AQR: variants seen among roughly 807,000 people sequenced by gnomAD.
AQR encodes the protein RNA helicase aquarius.
Under a neutral mutation model 180.5 loss-of-function variants are expected in AQR, and 61 were observed. The observed-to-expected ratio is 0.34, with a 90% CI of 0.28 to 0.42. AQR has a LOEUF of 0.42. Among genes scored for constraint, AQR ranks in the 10% least tolerant of loss-of-function variants. AQR has a pLI of 1.00. For missense variants in AQR, 1,281 were observed against 1,798.3 expected (o/e 0.71, Z 5.20); for synonymous variants, 551 against 588.8 (o/e 0.94, Z 0.93).
At chr15:34,891,750 ACTT>A (rs1420348752) in intron 23 of AQR, among the ~76,000 whole-genome samples, 4 of 151,920 alleles carry the variant, frequency 2.6e-5, no homozygotes, top group African/African-American at 9.7e-5. Flanking sequence ...GAAGAAAAAA[ACTT>A]CTTTTCATAA....
rs1892805165 is a variant in AQR, at chr15:34,870,760, G to A, written c.3760C>T (p.Pro1254Ser). The change falls in exon 31 of 35, where the codon CCA becomes TCA. Residue 1254 changes from proline (P) to serine (S), a missense_variant. Physicochemically the swap from Pro to Ser is moderately conservative, Grantham distance 74 (BLOSUM62 -1). Transcript: ENST00000156471. Reference sequence around the variant, plus strand: ...TATAATTATAAAAGTACCTTGTTTGGTCTTCCAATCAATGGATTGTTTCCA... The same window carrying A: ...TATAATTATAAAAGTACCTTGTTTGATCTTCCAATCAATGGATTGTTTCCA... ...RCGNNPLIGR[P>S]NKVTTVDRFQ... The A allele has an allele frequency of 6.8e-6, 11 of 1,610,262 alleles. No individual in the cohort carries two copies. The highest frequency in any genetic ancestry group is 9.3e-6 in the Non-Finnish European group (11 of 1,178,392).
chr15:34,964,521 C>A (rs956438894), intron 1 of AQR: 1 of 618,858 alleles, frequency 1.6e-6, no homozygotes, highest in Non-Finnish European at 3.0e-6. Flanking sequence ...TATAAACAAA[C>A]AAACAAAATC....
In AQR at chr15:34,886,621, G is replaced by T; in HGVS notation, c.2722C>A (p.Leu908Ile). 6.2e-7 allele frequency: 1 copy of T among 1,613,808 alleles called. No homozygotes were observed. The highest frequency in any genetic ancestry group is 8.5e-7 in the Non-Finnish European group (1 of 1,179,946). The part of the protein sequence containing the change: ...VNYVLARRIE[L>I]LEEVKRLQKS... ...TGCAATCGTTTGACTTCTTCTAAAAGTTCTATTCTTCGAGCCAGAACATAA... is the reference window on the plus strand; with the variant it reads ...TGCAATCGTTTGACTTCTTCTAAAATTTCTATTCTTCGAGCCAGAACATAA... The change falls in exon 25 of 35, where the codon CTT (leucine) becomes ATT (isoleucine). Residue 908 changes from leucine (L) to isoleucine (I), a missense_variant. Transcript: ENST00000156471.
rs1185840977 is a variant in AQR at position 34,945,041 on chromosome 15, C to T, written c.331-613G>A. Reference sequence around the variant, plus strand: ...TATGGACCCTTATTAACTCTCAACTCCTTTTCACCATATTGAAGGCTCTTC... The same window carrying T: ...TATGGACCCTTATTAACTCTCAACTTCTTTTCACCATATTGAAGGCTCTTC... On this transcript the variant is annotated intron_variant, in intron 5 of 34. Coordinates refer to ENST00000156471, the MANE Select transcript of AQR (RefSeq NM_014691.3). Among the ~76,000 whole-genome samples, 3 of 152,202 alleles carry T rather than the reference C, an allele frequency of 2.0e-5. No individual in the cohort carries two copies. In the South Asian group the frequency reaches 6.2e-4, roughly 32 times the overall value.
chr15:34,916,882 C>CAAAAAAAAAA (rs71119988), intron 15 of AQR, among the ~76,000 whole-genome samples: 15 of 79,160 alleles, frequency 1.9e-4, no homozygotes, highest in African/African-American at 5.6e-4. Context: ...TTCAGCAGAA[C>CAAAAAAAAAA]AAAAAAAAAA....
Position 34,855,506 on chromosome 15 carries a change from T to G in AQR, c.*1286A>C, listed in dbSNP as rs969168810. On this transcript the variant is annotated 3_prime_UTR_variant, in exon 35 of 35. Coordinates refer to ENST00000156471, the MANE Select transcript of AQR (RefSeq NM_014691.3). ...AGAGAACTAGTGGGCAATTTTCCCCTCTACACATACATATAAACATTTCCT... is the reference window on the plus strand; with the variant it reads ...AGAGAACTAGTGGGCAATTTTCCCCGCTACACATACATATAAACATTTCCT... 1 of 149,710 alleles carries G rather than the reference T, an allele frequency of 6.7e-6. No homozygotes were observed. Among genetic ancestry groups the G allele is most frequent in the African/African-American group, 2.5e-5 (1 of 40,720 alleles). 9.3% of individuals were successfully genotyped at this position (149,710 alleles called of 1,614,324 possible). A position where few individuals can be genotyped will look rare whatever the true frequency, so the allele number is the denominator to read the frequency against.
intron 32 of AQR, among the ~76,000 whole-genome samples, chr15:34,866,590 C>G (rs746729852): frequency 6.6e-6 from 1 of 151,746 alleles, no homozygotes; most frequent in Non-Finnish European, 1.5e-5. Context: ...AGGAGGGGGG[C>G]GGAAGGAGTA....
intron 34 of AQR, among the ~76,000 whole-genome samples, chr15:34,858,523 T>C (rs181064353): frequency 1.2e-3 from 179 of 152,234 alleles, no homozygotes; most frequent in Admixed American, 1.8e-3. Flanking sequence ...TCCTAAACAA[T>C]CCTCCTCTTC....
rs554356777 is a variant in AQR, at chr15:34,915,259, C to T, written c.1343-80G>A. 143 of 1,321,354 alleles carry T rather than the reference C, an allele frequency of 1.1e-4. 1 individual carries two copies. The highest frequency in any genetic ancestry group is 1.0e-3 in the South Asian group (63 of 63,018). 81.9% of individuals were successfully genotyped at this position (1,321,354 alleles called of 1,614,324 possible). ...TCTCACTCTGTCACCTGCACAATCT[C>T]GTCTCACTGCAACCTCCGCCTCCCA... On this transcript the variant is annotated intron_variant, in intron 15 of 34. Coordinates refer to ENST00000156471, the MANE Select transcript of AQR (RefSeq NM_014691.3).
chr15:34,881,192 C>T (rs1892967905), intron 27 of AQR, among the ~76,000 whole-genome samples: 1 of 152,130 alleles, frequency 6.6e-6, no homozygotes, highest in East Asian at 1.9e-4. Flanking sequence ...AAGAACAAAA[C>T]ATTTAGGTGA....
chr15:34,945,183 T>C (rs2140499089), intron 5 of AQR, among the ~76,000 whole-genome samples: 1 of 152,344 alleles, frequency 6.6e-6, no homozygotes, highest in East Asian at 1.9e-4. Flanking sequence ...CAGTCCAGAT[T>C]TCTCTTCTGA....
intron 19 of AQR, among the ~76,000 whole-genome samples, chr15:34,903,245 A>G (rs1893360192): frequency 6.6e-6 from 1 of 152,204 alleles, no homozygotes. Flanking sequence ...TTAGAAAATG[A>G]TGTTGGAGAG....
At position 34,856,785 on chromosome 15, in the gene AQR, A is replaced by G. The variant is rs970119250; in HGVS notation, c.*7T>C. On this transcript the variant is annotated 3_prime_UTR_variant, in exon 35 of 35. Coordinates refer to ENST00000156471, the MANE Select transcript of AQR (RefSeq NM_014691.3). ...CCATGTCCTCCTTTAGAAGGACTAC[A>G]GTTTGGCTACTTGGTCTCTTCCGGG... 2 of 1,518,606 alleles carry G rather than the reference A, an allele frequency of 1.3e-6. No homozygotes were observed. Among genetic ancestry groups the G allele is most frequent in the East Asian group, 2.3e-5 (1 of 44,012 alleles). The allele number at this position is 1,518,606 out of a possible 1,614,324, so 94.1% of individuals were successfully genotyped here.
intron 3 of AQR, among the ~76,000 whole-genome samples, chr15:34,960,001 C>T (rs549467350): frequency 2.0e-5 from 3 of 152,260 alleles, no homozygotes; most frequent in African/African-American, 7.2e-5. Context: ...CAAACAAACC[C>T]AAATTCTCTT....
At chr15:34,925,731 G>T (rs1463924586) in intron 13 of AQR, among the ~76,000 whole-genome samples, 2 of 151,992 alleles carry the variant, frequency 1.3e-5, no homozygotes, top group African/African-American at 4.8e-5. Flanking sequence ...TATTCGGGAG[G>T]CTGACGCAGG....
intron 23 of AQR, 50 bp downstream of exon 23, chr15:34,893,603 GCGTGCACACA>G: frequency 4.0e-6 from 5 of 1,257,432 alleles, no homozygotes; most frequent in South Asian, 1.3e-5. Flanking sequence ...GCATGCGCAT[GCGTGCACACA>G]CACACACACA....
At chr15:34,900,887 G>A in intron 19 of AQR, 24 bp from the exon 20 acceptor site, 1 of 1,562,918 alleles carries the variant, frequency 6.4e-7, no homozygotes, top group Non-Finnish European at 8.7e-7. Flanking sequence ...GACAGAAAAA[G>A]ATTGTGTCAG....
rs1292834868 is a variant in AQR at position 34,946,427 on chromosome 15, A to T, written c.330+1837T>A. On this transcript the variant is annotated intron_variant, in intron 5 of 34. Transcript: ENST00000156471. The stretch of plus-strand genomic sequence containing the variant: ...CGGCCAGCCGCCCCGTCCGGGAGGG[A>T]GGTGGGGGGGGTCAGCCCCCCGCCC... Among the ~76,000 whole-genome samples the T allele has an allele frequency of 1.7e-4, 8 of 46,396 alleles. 1 individual carries two copies. The highest frequency in any genetic ancestry group is 1.2e-3 in the South Asian group (1 of 832). The allele number at this position is 46,396 out of a possible 152,430, so 30.4% of individuals were successfully genotyped here.
chr15:34,914,693 T>A (rs1040890743), intron 16 of AQR, among the ~76,000 whole-genome samples: 1 of 152,188 alleles, frequency 6.6e-6, no homozygotes, highest in African/African-American at 2.4e-5. Context: ...TCTGACCTAG[T>A]ACGGGCCTGC....
Sources: gnomAD v4.1 joint callset for allele counts (sites outside exome capture counted in the v4.1 genomes callset) on GRCh38, gnomAD v4.1.1 for gene constraint, MANE v1.5 for transcripts, NCBI Gene and HGNC (gene_info 2026-07-23, HGNC 2026-07-21) for gene names.